The following CEP76 variants were observed in gnomAD, a reference collection of about 807,000 sequenced individuals.
The protein encoded by CEP76 is centrosomal protein of 76 kDa.
In CEP76, 55 loss-of-function variants were observed where a neutral mutation model predicts 83.3. The ratio of observed to expected loss-of-function variants is 0.66; its 90% CI spans 0.53 to 0.83. The LOEUF is 0.83. CEP76 is among the 40% of genes least tolerant of loss of function. The pLI, the probability that CEP76 is intolerant of heterozygous loss-of-function variation, is 0.00. For missense variants in CEP76, 694 were observed against 799.5 expected, an observed-to-expected ratio of 0.87 and a Z score of 1.59; for synonymous variants, 270 against 274.5, an observed-to-expected ratio of 0.98 and a Z score of 0.16.
chr18:12,689,456 T>C (rs1454899929), intron 7 of CEP76, among the ~76,000 whole-genome samples: 42 of 152,208 alleles, frequency 2.8e-4, no homozygotes. Context: ...TTCTCTAACC[T>C]TCATACTGTT....
At chr18:12,687,299 T>C (rs2039572299) in intron 7 of CEP76, among the ~76,000 whole-genome samples, 1 of 152,068 alleles carries the variant, frequency 6.6e-6, no homozygotes, top group Admixed American at 6.6e-5. Context: ...AACCAGAACA[T>C]CTTTTTCCAA....
At chr18:12,689,583 A>G (rs995351249) in intron 7 of CEP76, among the ~76,000 whole-genome samples, 7 of 139,340 alleles carry the variant, frequency 5.0e-5, no homozygotes, top group African/African-American at 1.5e-4. Flanking sequence ...CGTTTAAGTA[A>G]TATTTCCTAA....
rs1252941027 is a variant in CEP76, at chr18:12,673,394, A to G, written c.1951T>C (p.Phe651Leu). ...AATACCGAGCGATATTTACAAGCAA[A>G]CATGATCCAAACAGCACATGCAGAT... ...PESACAVWIM[F>L]ACKYRSVL The change falls in exon 12 of 12, where the codon TTT becomes CTT. Residue 651 changes from phenylalanine (F) to leucine (L), a missense_variant. Physicochemically the swap from Phe to Leu is conservative, Grantham distance 22. Coordinates refer to ENST00000262127, the MANE Select transcript of CEP76 (RefSeq NM_024899.4). 1 of 1,607,612 alleles carries G rather than the reference A, an allele frequency of 6.2e-7. No homozygotes were observed. Among genetic ancestry groups the G allele is most frequent in the African/African-American group, 1.3e-5 (1 of 74,440 alleles).
At chr18:12,697,601 G>A (rs1460665243) in intron 4 of CEP76, among the ~76,000 whole-genome samples, 193 bp from the exon 5 acceptor site, 1 of 152,204 alleles carries the variant, frequency 6.6e-6, no homozygotes, top group Non-Finnish European at 1.5e-5. Context: ...CTTTTCAGAA[G>A]ACTGGCAAAT....
At chr18:12,678,670 A>T (rs568513837) in intron 9 of CEP76, among the ~76,000 whole-genome samples, 9 of 152,118 alleles carry the variant, frequency 5.9e-5, no homozygotes, top group Non-Finnish European at 8.8e-5. Flanking sequence ...CATTCTATGT[A>T]TACTGTTAAG....
At position 12,678,172 on chromosome 18, in the gene CEP76, G is replaced by A. The variant is rs372594882; in HGVS notation, c.1560C>T (p.Asp520=). The A allele has an allele frequency of 2.0e-5, 33 of 1,614,034 alleles. No individual in the cohort carries two copies. In the East Asian group the frequency reaches 3.1e-4, roughly 15 times the overall value. Residue 520 remains aspartate (D), a synonymous_variant, in exon 10 of 12, where the codon GAC becomes GAT. Coordinates refer to ENST00000262127, the MANE Select transcript of CEP76 (RefSeq NM_024899.4). Reference sequence around the variant, plus strand: ...CAATTTCATTACTTGTTACTGACGCGTCAATTGTGGATGCACACAGAGGTG... The same window carrying A: ...CAATTTCATTACTTGTTACTGACGCATCAATTGTGGATGCACACAGAGGTG... The part of the protein sequence containing the change: ...PFPPLCASTI[D]ASVTSNEIEM...
rs756920702 is a variant in CEP76 at position 12,678,083 on chromosome 18, A to G, written c.1623+26T>C. ...ATACATAAATGAAAAGAAGTATGAA[A>G]CTACAACTATTTCAGTGTGAATTAC... On this transcript the variant is annotated intron_variant, in intron 10 of 11. Coordinates refer to ENST00000262127, the MANE Select transcript of CEP76 (RefSeq NM_024899.4). 3 of 1,560,828 alleles carry G rather than the reference A, an allele frequency of 1.9e-6. No homozygotes were observed. In the East Asian group the frequency reaches 6.8e-5, roughly 35 times the overall value.
chr18:12,695,051 T>G (rs2039903392), intron 6 of CEP76, among the ~76,000 whole-genome samples: 1 of 152,184 alleles, frequency 6.6e-6, no homozygotes, highest in Non-Finnish European at 1.5e-5. Context: ...GTTCATCGTA[T>G]TTCCTAAACT....
At chr18:12,673,828 C>T (rs542652432) in intron 11 of CEP76, among the ~76,000 whole-genome samples, 1 of 152,062 alleles carries the variant, frequency 6.6e-6, no homozygotes, top group Non-Finnish European at 1.5e-5. Context: ...TTGCAGTGAG[C>T]CAAGAATGTG....
intron 6 of CEP76, among the ~76,000 whole-genome samples, chr18:12,693,388 C>CACTCAAGCCTGAG (rs1257300162): frequency 1.3e-5 from 2 of 151,914 alleles, no homozygotes; most frequent in Non-Finnish European, 2.9e-5. Flanking sequence ...CACACCACTG[C>CACTCAAGCCTGAG]ACTCAAGCCT....
chr18:12,665,807 C>T (rs1411960302), intron 12 of CEP76, among the ~76,000 whole-genome samples: 1 of 152,162 alleles, frequency 6.6e-6, no homozygotes, highest in East Asian at 1.9e-4. Flanking sequence ...ATGCAGTTCT[C>T]CTGCCTCAGC....
rs762320854 is a variant in CEP76 at position 12,686,468 on chromosome 18, A to C, written c.934-18T>G. On this transcript the variant is annotated intron_variant, in intron 7 of 11. Coordinates refer to ENST00000262127, the MANE Select transcript of CEP76 (RefSeq NM_024899.4). The stretch of plus-strand genomic sequence containing the variant: ...TTTTCATCCTAGGGAAAAGGGGAAA[A>C]ACATCTGTAATGACATATTAATCAT... The C allele has an allele frequency of 6.4e-7, 1 of 1,560,176 alleles. No homozygotes were observed. Among genetic ancestry groups the C allele is most frequent in the East Asian group, 2.2e-5 (1 of 44,570 alleles).
intron 5 of CEP76, among the ~76,000 whole-genome samples, chr18:12,696,338 A>G (rs1354046148): frequency 6.6e-6 from 1 of 151,982 alleles, no homozygotes; most frequent in African/African-American, 2.4e-5. Flanking sequence ...CCCCATCTCT[A>G]CTAAAAATAC....
intron 7 of CEP76, among the ~76,000 whole-genome samples, chr18:12,687,539 C>A (rs756714740): frequency 2.6e-5 from 4 of 151,230 alleles, no homozygotes; most frequent in Non-Finnish European, 5.9e-5. Flanking sequence ...CTGCAACCTC[C>A]GCCCATGGGT....
At chr18:12,679,681 G>A (rs911866340) in intron 9 of CEP76, among the ~76,000 whole-genome samples, 2 of 152,170 alleles carry the variant, frequency 1.3e-5, no homozygotes, top group Non-Finnish European at 2.9e-5. Context: ...ATTTGCCAAC[G>A]TGGAGATGGT....
Position 12,702,186 on chromosome 18 carries a change from C to CG in CEP76, c.63+299dup, listed in dbSNP as rs564516921. 5.6e-4 allele frequency among the ~76,000 whole-genome samples: 86 copies of CG among 152,340 alleles called. 1 individual carries two copies. The East Asian group carries it at 0.015, about 26-fold the overall frequency. ...TAAACCTCCAAATACAACTTACACTCGATCCGACTTCCAGAAGTCGCTCGC... is the reference window on the plus strand; with the variant it reads ...TAAACCTCCAAATACAACTTACACTCGGATCCGACTTCCAGAAGTCGCTCGC... On this transcript the variant is annotated intron_variant, in intron 1 of 11. Transcript: ENST00000262127.
At chr18:12,677,395 G>A (rs1484530958) in intron 10 of CEP76, among the ~76,000 whole-genome samples, 1 of 137,174 alleles carries the variant, frequency 7.3e-6, no homozygotes, top group Non-Finnish European at 1.5e-5. Context: ...CCAAGATCAC[G>A]CCACTGTGCC....
At chr18:12,687,478 CAG>C (rs1376245756) in intron 7 of CEP76, among the ~76,000 whole-genome samples, 2 of 139,192 alleles carry the variant, frequency 1.4e-5, no homozygotes, top group South Asian at 2.3e-4. Context: ...TTTTTTGAGA[CAG>C]AGTCTCGCTG....
downstream of CEP76, among the ~76,000 whole-genome samples, chr18:12,669,176 G>C (rs1353096411): frequency 1.3e-5 from 2 of 149,548 alleles, no homozygotes; most frequent in Non-Finnish European, 3.0e-5. Context: ...GCAGTGGTGT[G>C]ATCTCAGCTC....
Sources: allele counts gnomAD v4.1 joint callset (sites outside exome capture counted in the v4.1 genomes callset), GRCh38; gene constraint gnomAD v4.1.1; transcripts MANE v1.5; gene names NCBI Gene and HGNC (gene_info 2026-07-23, HGNC 2026-07-21).